Variants in MICAL3 observed in about 807,000 individuals in gnomAD.
The protein encoded by MICAL3 is microtubule associated monooxygenase, calponin and LIM domain containing 3.
Under a neutral mutation model 207.4 loss-of-function variants are expected in MICAL3, and 62 were observed. The ratio of observed to expected loss-of-function variants is 0.30; its 90% CI spans 0.24 to 0.37. The LOEUF (loss-of-function observed/expected upper bound fraction) is 0.37, where lower values mean the gene tolerates loss of function less well. MICAL3 is among the 10% of genes least tolerant of loss of function. The pLI, the probability that MICAL3 is intolerant of heterozygous loss-of-function variation, is 1.00. For synonymous variants in MICAL3, 1,077 were observed against 1,069.3 expected (o/e 1.01, Z -0.14); for missense variants, 2,368 against 2,635.6 (o/e 0.90, Z 2.22).
At chr22:17,872,201 C>T (rs1311069090) in intron 16 of MICAL3, among the ~76,000 whole-genome samples, 178 bp from the exon 17 acceptor site, 1 of 152,194 alleles carries the variant, frequency 6.6e-6, no homozygotes, top group African/African-American at 2.4e-5. Flanking sequence ...GTGACGGCAC[C>T]GCCACAGTCA....
intron 20 of MICAL3, among the ~76,000 whole-genome samples, chr22:17,836,664 A>G (rs1275784889): frequency 7.7e-6 from 1 of 130,124 alleles, no homozygotes. Flanking sequence ...TTTTTTTTTG[A>G]GATGGAGTCT....
intron 16 of MICAL3, chr22:17,876,792 AGGGAAGTTATGGAG>A (rs1569109042): frequency 2.2e-5 from 3 of 134,866 alleles, no homozygotes; most frequent in Admixed American, 7.2e-5. Flanking sequence ...TAGGGAGGTT[AGGGAAGTTATGGAG>A]GTTAGGGAGG....
intron 9 of MICAL3, among the ~76,000 whole-genome samples, chr22:17,895,978 A>G (rs529437820): frequency 6.6e-6 from 1 of 152,224 alleles, no homozygotes; most frequent in African/African-American, 2.4e-5. Flanking sequence ...GTGTTTTCCT[A>G]TGAATTCAAA....
chr22:17,894,791 C>T (rs950242819), intron 10 of MICAL3, among the ~76,000 whole-genome samples: 7 of 129,842 alleles, frequency 5.4e-5, no homozygotes, highest in African/African-American at 2.3e-4. Flanking sequence ...AGCGAGATTC[C>T]ATCTCAAAAA....
In MICAL3 at chr22:17,896,917, T is replaced by C. The variant is rs1231440443; in HGVS notation, c.1013A>G (p.Tyr338Cys). 6.2e-7 allele frequency: 1 copy of C among 1,613,924 alleles called. No individual in the cohort carries two copies. The highest frequency in any genetic ancestry group is 1.1e-5 in the South Asian group (1 of 91,066). ...AGAGAAGTCTGCCGCCTCCCTGGCATAGCTGAGCAGAGCCTCCTGGTCCAC... is the reference window on the plus strand; with the variant it reads ...AGAGAAGTCTGCCGCCTCCCTGGCACAGCTGAGCAGAGCCTCCTGGTCCAC... ...ENVDQEALLS[Y>C]AREAADFSTQ... The change falls in exon 8 of 32, where the codon TAT (tyrosine) becomes TGT (cysteine). Residue 338 changes from tyrosine to cysteine, a missense_variant. Physicochemically the swap from Tyr to Cys is radical, Grantham distance 194. Coordinates refer to ENST00000441493, the MANE Select transcript of MICAL3 (RefSeq NM_015241.3).
chr22:17,870,266 C>T (rs1927577632), intron 17 of MICAL3, among the ~76,000 whole-genome samples: 2 of 152,156 alleles, frequency 1.3e-5, no homozygotes, highest in Non-Finnish European at 2.9e-5. Context: ...AGTCACCATA[C>T]CCTTCTCTCT....
chr22:17,982,339 G>A (rs9605480), intron 1 of MICAL3, among the ~76,000 whole-genome samples: 41,323 of 152,198 alleles, frequency 0.27, 6,091 homozygotes, highest in African/African-American at 0.38. Context: ...TTTCAAAAAC[G>A]GGGGAAAATG....
chr22:17,870,541 C>A (rs553970469), intron 17 of MICAL3, among the ~76,000 whole-genome samples: 1 of 152,202 alleles, frequency 6.6e-6, no homozygotes, highest in Admixed American at 6.5e-5. Context: ...ACCTGTAGAT[C>A]AATTAGCTGC....
At chr22:17,910,099 C>T (rs939028389) in intron 1 of MICAL3, among the ~76,000 whole-genome samples, 6 of 152,200 alleles carry the variant, frequency 3.9e-5, no homozygotes, top group African/African-American at 7.2e-5. Context: ...TAAACAGTAG[C>T]CACTTTCAAC....
Position 17,891,712 on chromosome 22 carries a change from G to A in MICAL3, c.1547-80C>T, listed in dbSNP as rs888357147. 14 of 1,401,634 alleles carry A rather than the reference G, an allele frequency of 1.0e-5. No homozygotes were observed. The East Asian group carries it at 3.3e-4, about 33-fold the overall frequency. 86.8% of individuals were successfully genotyped at this position (1,401,634 alleles called of 1,614,324 possible). ...AGAGAATCCTCTTTGTAGGACACAT[G>A]TCCCCTTTGAAAAATTACTGAGGGT... On this transcript the variant is annotated intron_variant, in intron 11 of 31. Coordinates refer to ENST00000441493, the MANE Select transcript of MICAL3 (RefSeq NM_015241.3).
chr22:17,919,796 A>G (rs1307004081), intron 1 of MICAL3, among the ~76,000 whole-genome samples: 2 of 152,228 alleles, frequency 1.3e-5, no homozygotes, highest in African/African-American at 4.8e-5. Context: ...TTGCCATCAG[A>G]AGAGAGCCTG....
intron 16 of MICAL3, among the ~76,000 whole-genome samples, chr22:17,880,037 G>A (rs1414476689): frequency 1.3e-5 from 2 of 152,192 alleles, no homozygotes; most frequent in Admixed American, 1.3e-4. Context: ...AAGGCTCCTC[G>A]CATTACTCTC....
At chr22:17,908,318 T>C (rs964406890) in intron 1 of MICAL3, among the ~76,000 whole-genome samples, 1 of 146,946 alleles carries the variant, frequency 6.8e-6, no homozygotes, top group African/African-American at 2.7e-5. Context: ...TCTTTTTTTC[T>C]TTTTTTTGAG....
chr22:17,889,059 C>T lies in MICAL3; in HGVS notation c.1866G>A (p.Met622Ile). The T allele has an allele frequency of 6.2e-7, 1 of 1,609,034 alleles. No individual in the cohort carries two copies. Among genetic ancestry groups the T allele is most frequent in the Non-Finnish European group, 8.5e-7 (1 of 1,175,840 alleles). ...CGCTAGAGGGGAGGGAGTCCTTAAACATCTCGTAGAACTGAGTCAGGTACA... is the reference window on the plus strand; with the variant it reads ...CGCTAGAGGGGAGGGAGTCCTTAAATATCTCGTAGAACTGAGTCAGGTACA... ...MVMYLTQFYE[M>I]FKDSLPSSDT... is the part of the protein sequence containing the mutation. Residue 622 changes from methionine (M) to isoleucine (I), a missense_variant, in exon 13 of 32, where the codon ATG becomes ATA. Met to Ile is a conservative substitution (Grantham distance 10, BLOSUM62 1). Around this residue, in one of 4 missense-constraint regions of MICAL3, gnomAD observed 1,770 missense variants for 1,863.2 expected, o/e 0.95. Transcript: ENST00000441493.
chr22:17,819,942 CAAAAAAAAAAAAAA>C (rs58418733), intron 25 of MICAL3, among the ~76,000 whole-genome samples: 3 of 67,650 alleles, frequency 4.4e-5, no homozygotes, highest in East Asian at 9.7e-4. Context: ...GACTCCATCT[CAAAAAAAAAAAAAA>C]AAAAAAAAAA....
At chr22:17,803,772 C>T (rs1322292295) in intron 29 of MICAL3, 4 of 971,552 alleles carry the variant, frequency 4.1e-6, no homozygotes, top group African/African-American at 3.5e-5. Flanking sequence ...GAAAGGGCGT[C>T]AGCGGGGTTA....
In MICAL3 at chr22:17,902,717, T is replaced by C; in HGVS notation, c.503A>G (p.Lys168Arg). The C allele has an allele frequency of 6.2e-7, 1 of 1,602,094 alleles. No homozygotes were observed. Among genetic ancestry groups the C allele is most frequent in the Non-Finnish European group, 8.5e-7 (1 of 1,173,324 alleles). ...SIRQLQLILL[K>R]VALILGIEIH... The stretch of plus-strand genomic sequence containing the variant: ...TTCAATGCCTAGGATCAAGGCTACT[T>C]TCAAAAGTATTAGTTGGAGCTGACG... Residue 168 changes from lysine (K) to arginine (R), a missense_variant, in exon 4 of 32, where the codon AAA (lysine) becomes AGA (arginine). By Grantham distance (26) the Lys-to-Arg change is conservative (BLOSUM62 2). Around this residue, in one of 4 missense-constraint regions of MICAL3, gnomAD observed 400 missense variants for 547.0 expected, o/e 0.73. Coordinates refer to ENST00000441493, the MANE Select transcript of MICAL3 (RefSeq NM_015241.3). This position sits in a 1 kb window ranked among gnomAD's most constrained non-coding sequence, Gnocchi z 4.5.
Position 17,841,708 on chromosome 22 carries a change from G to A in MICAL3, c.2801+114C>T. 9.4e-7 allele frequency: 1 copy of A among 1,069,260 alleles called. No individual in the cohort carries two copies. Among genetic ancestry groups the A allele is most frequent in the South Asian group, 1.5e-5 (1 of 68,028 alleles). 66.2% of individuals were successfully genotyped at this position (1,069,260 alleles called of 1,614,324 possible). On this transcript the variant is annotated intron_variant, in intron 20 of 31. Coordinates refer to ENST00000441493, the MANE Select transcript of MICAL3 (RefSeq NM_015241.3). This position sits in a 1 kb window ranked among gnomAD's most constrained non-coding sequence, Gnocchi z 4.2. ...AGGGACTGGGGAGAATGGACTGCGGGCAGCAGGAAAGACAGGAGGCCTCCC... is the reference window on the plus strand; with the variant it reads ...AGGGACTGGGGAGAATGGACTGCGGACAGCAGGAAAGACAGGAGGCCTCCC...
chr22:17,830,749 G>A (rs1922714586), intron 21 of MICAL3, among the ~76,000 whole-genome samples: 1 of 152,246 alleles, frequency 6.6e-6, no homozygotes, highest in Admixed American at 6.5e-5. Context: ...CTGCCTCAGA[G>A]GGAAGAGTAG....
Sources: gnomAD v4.1 joint callset for allele counts (sites outside exome capture counted in the v4.1 genomes callset) on GRCh38, gnomAD v4.1.1 for gene constraint, gnomAD v4.1.1 regional missense constraint, Gnocchi (gnomAD v3.1) non-coding constraint, MANE v1.5 for transcripts, NCBI Gene and HGNC (gene_info 2026-07-23, HGNC 2026-07-21) for gene names.